TCF7L2: variants seen among roughly 807,000 people sequenced by gnomAD.
TCF7L2 encodes transcription factor 7-like 2.
In TCF7L2, 23 loss-of-function variants were observed where a neutral mutation model predicts 77.9. That is an observed-to-expected ratio of 0.30 (90% CI 0.21 to 0.42). TCF7L2 has a LOEUF of 0.42. Among genes scored for constraint, TCF7L2 ranks in the 10% least tolerant of loss-of-function variants. The probability of loss-of-function intolerance (pLI) is 1.00; values close to 1 mark genes in which losing one functional copy is unlikely to be tolerated. For missense variants in TCF7L2, 654 were observed against 793.1 expected, an observed-to-expected ratio of 0.82 and a Z score of 2.11; for synonymous variants, 413 against 340.2, an observed-to-expected ratio of 1.21 and a Z score of -2.36.
chr10:113,049,016 G>A (rs2053935830), intron 5 of TCF7L2, among the ~76,000 whole-genome samples: 1 of 152,080 alleles, frequency 6.6e-6, no homozygotes, highest in Non-Finnish European at 1.5e-5. Flanking sequence ...GAGGTGTACT[G>A]GAAACTAAGG....
In TCF7L2 at chr10:112,978,225, G is replaced by C. The variant is rs181946692; in HGVS notation, c.450+13601G>C. The stretch of plus-strand genomic sequence containing the variant: ...GCATATTTGAAATGGAGTCTAGAAG[G>C]TCTTGTCTATTTAAAAATCTCCCTC... On this transcript the variant is annotated intron_variant, in intron 4 of 13. Coordinates refer to ENST00000627217, the MANE Select transcript of TCF7L2 (RefSeq NM_001146274.2). Among the ~76,000 whole-genome samples, 3 of 152,258 alleles carry C rather than the reference G, an allele frequency of 2.0e-5. No individual in the cohort carries two copies. The East Asian group carries it at 5.8e-4, about 29-fold the overall frequency.
At chr10:113,131,250 A>G (rs1229878793) in intron 5 of TCF7L2, among the ~76,000 whole-genome samples, 1 of 152,254 alleles carries the variant, frequency 6.6e-6, no homozygotes, top group African/African-American at 2.4e-5. Context: ...ACTTATGTTC[A>G]TATTTTCAAC....
chr10:113,162,443 T>C (rs1464156926), intron 13 of TCF7L2, among the ~76,000 whole-genome samples: 1 of 152,168 alleles, frequency 6.6e-6, no homozygotes, highest in Non-Finnish European at 1.5e-5. Flanking sequence ...GGGCATAGCT[T>C]TAGCTTACAC....
chr10:113,051,539 C>G (rs371014198), intron 5 of TCF7L2, among the ~76,000 whole-genome samples: 1 of 152,184 alleles, frequency 6.6e-6, no homozygotes, highest in African/African-American at 2.4e-5. Context: ...ATTCTTCTAT[C>G]GCTATTTAGA....
intron 3 of TCF7L2, among the ~76,000 whole-genome samples, chr10:112,962,375 CT>C (rs11326257): frequency 0.56 from 84,324 of 151,440 alleles, 25,069 homozygotes; most frequent in African/African-American, 0.77. Flanking sequence ...GCCTACTCTG[CT>C]TTGAAGGAGA....
At chr10:113,089,634 C>G in intron 5 of TCF7L2, 1 of 1,446,864 alleles carries the variant, frequency 6.9e-7, no homozygotes, top group Non-Finnish European at 9.3e-7. Flanking sequence ...CAGGGCCCAT[C>G]CACTGCGATC....
At chr10:113,145,493 C>T (rs1286375209) in intron 7 of TCF7L2, among the ~76,000 whole-genome samples, 1 of 151,910 alleles carries the variant, frequency 6.6e-6, no homozygotes, top group Non-Finnish European at 1.5e-5. Flanking sequence ...GGGACTCTCC[C>T]CCCGGTAACT....
intron 5 of TCF7L2, chr10:113,125,427 G>A (rs544529634): frequency 2.6e-5 from 4 of 151,134 alleles, no homozygotes; most frequent in African/African-American, 7.3e-5. Flanking sequence ...CATTAAAAGC[G>A]TATTAATCTG....
chr10:113,069,730 C>T (rs1370546181), intron 5 of TCF7L2, among the ~76,000 whole-genome samples: 1 of 152,146 alleles, frequency 6.6e-6, no homozygotes, highest in Non-Finnish European at 1.5e-5. Context: ...TCATTGAGGG[C>T]CCCTCGCTGG....
intron 10 of TCF7L2, among the ~76,000 whole-genome samples, 154 bp from the exon 11 acceptor site, chr10:113,152,179 C>T (rs1592356263): frequency 6.6e-6 from 1 of 152,274 alleles, no homozygotes; most frequent in Non-Finnish European, 1.5e-5. Context: ...AGGACCCAGC[C>T]GACGGTCAGT....
chr10:113,030,559 G>A (rs186970764), intron 4 of TCF7L2, among the ~76,000 whole-genome samples: 1 of 152,352 alleles, frequency 6.6e-6, no homozygotes, highest in East Asian at 1.9e-4. Context: ...TGATATTAAA[G>A]TGAAAGATTG....
intron 4 of TCF7L2, among the ~76,000 whole-genome samples, chr10:113,010,706 A>G (rs1170760239): frequency 6.6e-6 from 1 of 152,188 alleles, no homozygotes; most frequent in East Asian, 1.9e-4. Flanking sequence ...CCATTGCAAT[A>G]GTTTTCTTAC....
intron 5 of TCF7L2, among the ~76,000 whole-genome samples, chr10:113,069,510 G>T (rs890407188): frequency 6.6e-6 from 1 of 152,134 alleles, no homozygotes; most frequent in Non-Finnish European, 1.5e-5. Context: ...GATTACAGGC[G>T]TGAGCTGCCG....
chr10:113,132,333 G>T (rs2066731386), intron 5 of TCF7L2, among the ~76,000 whole-genome samples: 1 of 152,176 alleles, frequency 6.6e-6, no homozygotes. Flanking sequence ...TAGGCACAGG[G>T]TATACAAGAA....
At chr10:113,090,973 C>T (rs1211850788) in intron 5 of TCF7L2, among the ~76,000 whole-genome samples, 1 of 151,770 alleles carries the variant, frequency 6.6e-6, no homozygotes, top group East Asian at 1.9e-4. Flanking sequence ...GTGATCTTGG[C>T]TCACTGTGAC....
intron 4 of TCF7L2, among the ~76,000 whole-genome samples, chr10:113,008,369 C>T (rs1324456230): frequency 1.3e-5 from 2 of 152,166 alleles, no homozygotes; most frequent in Admixed American, 6.5e-5. Context: ...TCTCAGTGCC[C>T]CCAGATACAC....
intron 5 of TCF7L2, chr10:113,126,145 T>C (rs761303417): frequency 1.6e-4 from 24 of 152,064 alleles, no homozygotes; most frequent in Admixed American, 2.0e-4. Flanking sequence ...AAAAATGTTA[T>C]ACAGTAAATT....
chr10:113,003,714 T>C (rs2044943042), intron 4 of TCF7L2, among the ~76,000 whole-genome samples: 1 of 152,092 alleles, frequency 6.6e-6, no homozygotes, highest in Non-Finnish European at 1.5e-5. Context: ...ATGAAACAGG[T>C]GAGGAACTTT....
chr10:113,079,563 A>G (rs781392463), intron 5 of TCF7L2, among the ~76,000 whole-genome samples: 4 of 152,212 alleles, frequency 2.6e-5, no homozygotes, highest in Non-Finnish European at 4.4e-5. Flanking sequence ...GGAACCCTCA[A>G]CAATCTTTAA....
Sources: gnomAD v4.1 joint callset for allele counts (sites outside exome capture counted in the v4.1 genomes callset) on GRCh38, gnomAD v4.1.1 for gene constraint, MANE v1.5 for transcripts, NCBI Gene and HGNC (gene_info 2026-07-23, HGNC 2026-07-21) for gene names.